The following SEMA3E variants were observed in gnomAD, a reference collection of about 807,000 sequenced individuals.
SEMA3E encodes the protein semaphorin 3E.
Under a neutral mutation model 93.6 loss-of-function variants are expected in SEMA3E, and 49 were observed. The observed-to-expected ratio is 0.52, with a 90% CI of 0.42 to 0.66. The LOEUF is 0.66. Among genes scored for constraint, SEMA3E ranks in the 30% least tolerant of loss-of-function variants. The pLI is 0.00. For synonymous variants in SEMA3E, 363 were observed against 330.7 expected (o/e 1.10, Z -1.06); for missense variants, 906 against 964.8 (o/e 0.94, Z 0.81).
At chr7:83,526,976 C>T (rs3779433) in intron 1 of SEMA3E, among the ~76,000 whole-genome samples, 80,118 of 148,352 alleles carry the variant, frequency 0.54, 23,495 homozygotes, top group Middle Eastern at 0.7. Flanking sequence ...GCGAGTGTGA[C>T]CTTCTTTGCA....
At chr7:83,554,955 T>C (rs1279248204) in intron 1 of SEMA3E, among the ~76,000 whole-genome samples, 3 of 127,588 alleles carry the variant, frequency 2.4e-5, no homozygotes, top group Non-Finnish European at 3.5e-5. Context: ...CCAGCCTGGG[T>C]GACAGAGCGA....
chr7:83,610,032 T>C (rs1186458045), intron 1 of SEMA3E, among the ~76,000 whole-genome samples: 5 of 152,030 alleles, frequency 3.3e-5, no homozygotes, highest in Admixed American at 6.6e-5. Context: ...AAATATTATC[T>C]ATCAATTTAA....
intron 1 of SEMA3E, among the ~76,000 whole-genome samples, chr7:83,606,762 T>TA (rs200784473): frequency 1.4e-3 from 165 of 115,628 alleles, no homozygotes; most frequent in South Asian, 2.8e-3. Context: ...TAAAGTATAA[T>TA]AAAAAAAAAA....
chr7:83,394,153 CAATAA>C (rs1426719621), intron 13 of SEMA3E, 139 bp downstream of exon 13: 2 of 897,208 alleles, frequency 2.2e-6, no homozygotes, highest in Non-Finnish European at 3.4e-6. Context: ...GTTCTTACTA[CAATAA>C]AATAAAGTAA....
intron 4 of SEMA3E, among the ~76,000 whole-genome samples, chr7:83,429,574 A>G (rs945760378): frequency 6.6e-6 from 1 of 152,158 alleles, no homozygotes; most frequent in Non-Finnish European, 1.5e-5. Context: ...AACTTTTCAA[A>G]TATGATCATG....
chr7:83,533,864 C>A (rs1460591291), intron 1 of SEMA3E, among the ~76,000 whole-genome samples: 3 of 152,148 alleles, frequency 2.0e-5, no homozygotes, highest in Non-Finnish European at 2.9e-5. Flanking sequence ...TCCTTCCCTG[C>A]CTGCCTTCCC....
intron 11 of SEMA3E, among the ~76,000 whole-genome samples, chr7:83,397,720 G>A (rs562686954): frequency 6.6e-6 from 1 of 151,958 alleles, no homozygotes; most frequent in South Asian, 2.1e-4. Context: ...GTATAATGCT[G>A]GACATAATAA....
chr7:83,611,635 A>G (rs1439821939), intron 1 of SEMA3E, among the ~76,000 whole-genome samples: 1 of 151,610 alleles, frequency 6.6e-6, no homozygotes, highest in African/African-American at 2.4e-5. Flanking sequence ...CATATCCTAC[A>G]AGAATCTACT....
At chr7:83,463,966 G>C (rs1289483740) in intron 4 of SEMA3E, among the ~76,000 whole-genome samples, 8 of 152,076 alleles carry the variant, frequency 5.3e-5, no homozygotes, top group Admixed American at 5.2e-4. Flanking sequence ...ATAGGTAGAG[G>C]CCTTTTCTAC....
intron 1 of SEMA3E, 40 bp downstream of exon 1, chr7:83,648,388 T>TC (rs1794107969): frequency 7.0e-7 from 1 of 1,424,624 alleles, no homozygotes; most frequent in African/African-American, 1.4e-5. Flanking sequence ...TTTTTCTTTT[T>TC]TTTTTTTTTT....
At chr7:83,549,218 A>G (rs1430567867) in intron 1 of SEMA3E, among the ~76,000 whole-genome samples, 1 of 152,116 alleles carries the variant, frequency 6.6e-6, no homozygotes, top group Non-Finnish European at 1.5e-5. Flanking sequence ...TAGCTCTTTA[A>G]TTGACATTAT....
At chr7:83,388,062 G>C (rs1240859335) in intron 14 of SEMA3E, among the ~76,000 whole-genome samples, 2 of 148,198 alleles carry the variant, frequency 1.3e-5, no homozygotes, top group African/African-American at 2.5e-5. Flanking sequence ...TGTAATCCTA[G>C]CACTTTGGGA....
At chr7:83,545,552 G>GAAAAAAAAAAA (rs3068645) in intron 1 of SEMA3E, among the ~76,000 whole-genome samples, 77 of 85,962 alleles carry the variant, frequency 9.0e-4, no homozygotes, top group Middle Eastern at 5.9e-3. Context: ...GAAGAGAAAT[G>GAAAAAAAAAAA]AAAAAAAAAA....
intron 4 of SEMA3E, among the ~76,000 whole-genome samples, chr7:83,459,288 A>C (rs1789560562): frequency 6.6e-6 from 1 of 152,174 alleles, no homozygotes; most frequent in Non-Finnish European, 1.5e-5. Context: ...GAGATACTGA[A>C]AGGAGAAAAC....
At chr7:83,623,016 G>A (rs993530400) in intron 1 of SEMA3E, among the ~76,000 whole-genome samples, 5 of 151,970 alleles carry the variant, frequency 3.3e-5, no homozygotes, top group African/African-American at 1.2e-4. Context: ...AAAAAAATAA[G>A]CATTTTAAAG....
intron 2 of SEMA3E, among the ~76,000 whole-genome samples, chr7:83,473,258 A>G (rs950347060): frequency 2.7e-4 from 41 of 152,184 alleles, no homozygotes; most frequent in Non-Finnish European, 4.4e-4. Context: ...GATGCTTAAG[A>G]GTCCTCAGAG....
At chr7:83,594,549 G>A (rs943575111) in intron 1 of SEMA3E, among the ~76,000 whole-genome samples, 8 of 152,214 alleles carry the variant, frequency 5.3e-5, no homozygotes, top group East Asian at 1.9e-4. Flanking sequence ...GAGGATGAGC[G>A]CAAACCTTCC....
chr7:83,525,152 G>A (rs1045337628), intron 1 of SEMA3E, among the ~76,000 whole-genome samples: 4 of 151,912 alleles, frequency 2.6e-5, no homozygotes, highest in Admixed American at 2.6e-4. Context: ...ATTCTATATT[G>A]GAAAACATTT....
intron 11 of SEMA3E, 66 bp downstream of exon 11, chr7:83,399,962 T>C: frequency 1.6e-6 from 2 of 1,235,120 alleles, no homozygotes; most frequent in South Asian, 1.2e-5. Flanking sequence ...CTTTTAGAAA[T>C]ATTATTAAAA....
Sources: gnomAD v4.1 joint callset for allele counts (sites outside exome capture counted in the v4.1 genomes callset) on GRCh38, gnomAD v4.1.1 for gene constraint, MANE v1.5 for transcripts, NCBI Gene and HGNC (gene_info 2026-07-23, HGNC 2026-07-21) for gene names.